TAGLN3: variants seen among roughly 807,000 people sequenced by gnomAD.
TAGLN3 encodes the protein transgelin 3.
TAGLN3 carries 12 observed loss-of-function variants against 25.4 expected under a neutral mutation model. The observed-to-expected ratio is 0.47, with a 90% CI of 0.30 to 0.77. TAGLN3 has a LOEUF of 0.77. Among genes scored for constraint, TAGLN3 ranks in the 30% least tolerant of loss-of-function variants. The pLI is 0.06. For synonymous variants in TAGLN3, 96 were observed against 94.8 expected (o/e 1.01, Z -0.08); for missense variants, 218 against 255.8 (o/e 0.85, Z 1.01).
At chr3:112,006,752 C>A (rs769449736) in intron 3 of TAGLN3, among the ~76,000 whole-genome samples, 7 of 152,150 alleles carry the variant, frequency 4.6e-5, no homozygotes, top group Non-Finnish European at 7.4e-5. Context: ...TTATCCTTTT[C>A]ATTTACTTTT....
intron 2 of TAGLN3, 131 bp downstream of exon 2, chr3:111,999,733 ATGCCTTTATT>A: frequency 1.7e-6 from 2 of 1,207,858 alleles, no homozygotes; most frequent in Non-Finnish European, 2.3e-6. Flanking sequence ...GGGGATGAGA[ATGCCTTTATT>A]TCTTCAGGGT....
intron 4 of TAGLN3, 101 bp from the exon 5 acceptor site, chr3:112,013,309 T>C (rs1196036842): frequency 6.9e-7 from 1 of 1,442,348 alleles, no homozygotes; most frequent in Non-Finnish European, 9.3e-7. Context: ...GACCTGCTGA[T>C]CTATTTGGGG....
At chr3:112,012,477 CT>C (rs1378629347) in intron 4 of TAGLN3, among the ~76,000 whole-genome samples, 2 of 151,842 alleles carry the variant, frequency 1.3e-5, no homozygotes, top group African/African-American at 4.8e-5. Context: ...AGTAAAGGGT[CT>C]TTTTTTAAAA....
intron 2 of TAGLN3, 79 bp downstream of exon 2, chr3:111,999,681 G>A: frequency 6.5e-7 from 1 of 1,527,230 alleles, no homozygotes; most frequent in Non-Finnish European, 8.8e-7. Flanking sequence ...ACGTAAGGCT[G>A]CGGGAAGAGC....
intron 3 of TAGLN3, 132 bp from the exon 4 acceptor site, chr3:112,011,631 T>G (rs1210953803): frequency 2.6e-6 from 2 of 763,678 alleles, no homozygotes; most frequent in South Asian, 2.1e-5. Context: ...AGGTGTTTGA[T>G]AGCACTGCTC....
intron 3 of TAGLN3, among the ~76,000 whole-genome samples, chr3:112,009,860 G>A (rs1015908122): frequency 2.6e-5 from 4 of 151,942 alleles, no homozygotes; most frequent in South Asian, 2.1e-4. Context: ...TGGGATGAGG[G>A]TGGAGTTGTG....
In TAGLN3 at chr3:111,998,994, T is replaced by C. The variant is rs2072820287; in HGVS notation, c.-123T>C. 1 of 153,728 alleles carries C rather than the reference T, an allele frequency of 6.5e-6. No homozygotes were observed. Among genetic ancestry groups the C allele is most frequent in the Non-Finnish European group, 1.4e-5 (1 of 69,052 alleles). 9.5% of individuals were successfully genotyped at this position (153,728 alleles called of 1,614,324 possible). A position where few individuals can be genotyped will look rare whatever the true frequency, so the allele number is the denominator to read the frequency against. On this transcript the variant is annotated 5_prime_UTR_variant, in exon 1 of 5. Transcript: ENST00000478951. ...TCAACATGAAAGGAGGCTTCCTCCC[T>C]GCCTGCTAATTACCTGCTCTTCCCG...
chr3:112,001,620 C>T (rs2072862413), intron 3 of TAGLN3, among the ~76,000 whole-genome samples: 1 of 152,190 alleles, frequency 6.6e-6, no homozygotes, highest in African/African-American at 2.4e-5. Flanking sequence ...TCGTTAATGT[C>T]CCCTTTAGCG....
rs1038551972 is a variant in TAGLN3, at chr3:112,013,358, G to T, written c.459-52G>T. 14 of 1,573,786 alleles carry T rather than the reference G, an allele frequency of 8.9e-6. No individual in the cohort carries two copies. In the Admixed American group the frequency reaches 2.3e-4, roughly 26 times the overall value. On this transcript the variant is annotated intron_variant, in intron 4 of 4. Transcript: ENST00000478951. ...CCTGTCTAATTGCATATCTTGAAAA[G>T]GATTGGAAAACTGTCATAATGACAT...
Position 111,999,668 on chromosome 3 carries a change from T to C in TAGLN3, c.180+66T>C, listed in dbSNP as rs2107718389. The C allele has an allele frequency of 3.8e-6, 6 of 1,568,228 alleles. No individual in the cohort carries two copies. In the South Asian group the frequency reaches 4.6e-5, roughly 12 times the overall value. Reference sequence around the variant, plus strand: ...GGGAAACCCTCCAGGGCCCTTTCTTTTAACGTAAGGCTGCGGGAAGAGCTG... The same window carrying C: ...GGGAAACCCTCCAGGGCCCTTTCTTCTAACGTAAGGCTGCGGGAAGAGCTG... On this transcript the variant is annotated intron_variant, in intron 2 of 4. Transcript: ENST00000478951.
In TAGLN3 at chr3:112,013,790, C is replaced by G; in HGVS notation, c.*239C>G. On this transcript the variant is annotated 3_prime_UTR_variant, in exon 5 of 5. Transcript: ENST00000478951. ...TCCTGAGCTCCTCGGGCCCCAGAGT[C>G]TCTGTTTGATTATTTATTTATTTAT... 2 of 565,732 alleles carry G rather than the reference C, an allele frequency of 3.5e-6. No homozygotes were observed. The highest frequency in any genetic ancestry group is 3.1e-5 in the East Asian group (1 of 31,830). The allele number at this position is 565,732 out of a possible 1,614,324, so 35.0% of individuals were successfully genotyped here. A position where few individuals can be genotyped will look rare whatever the true frequency, so the allele number is the denominator to read the frequency against.
intron 3 of TAGLN3, among the ~76,000 whole-genome samples, chr3:112,005,176 C>T (rs568343059): frequency 4.5e-4 from 68 of 152,128 alleles, no homozygotes; most frequent in African/African-American, 1.5e-3. Context: ...GTTCCCTTCT[C>T]GGTAAACAGT....
intron 2 of TAGLN3, 83 bp downstream of exon 2, chr3:111,999,685 G>A: frequency 1.3e-6 from 2 of 1,521,004 alleles, no homozygotes; most frequent in Non-Finnish European, 1.8e-6. Context: ...AAGGCTGCGG[G>A]AAGAGCTGCT....
intron 3 of TAGLN3, among the ~76,000 whole-genome samples, chr3:112,008,057 T>C (rs1292797738): frequency 2.0e-5 from 3 of 152,146 alleles, no homozygotes; most frequent in African/African-American, 7.2e-5. Flanking sequence ...AAGATATGAA[T>C]CACCCAGGAA....
chr3:112,013,624 G>C lies in TAGLN3; in HGVS notation c.*73G>C, dbSNP rs2073002794. The C allele has an allele frequency of 6.2e-7, 1 of 1,601,066 alleles. No individual in the cohort carries two copies. The highest frequency in any genetic ancestry group is 8.5e-7 in the Non-Finnish European group (1 of 1,171,810). ...GGTCTCTACGAAAAAGAAATAGTTA[G>C]TCACCTTCTGACCTTCTCCTCTTTC... On this transcript the variant is annotated 3_prime_UTR_variant, in exon 5 of 5. Transcript: ENST00000478951.
chr3:112,001,570 G>T (rs2072861627), intron 3 of TAGLN3, among the ~76,000 whole-genome samples: 1 of 152,204 alleles, frequency 6.6e-6, no homozygotes, highest in Non-Finnish European at 1.5e-5. Flanking sequence ...TGATGTGAAT[G>T]GAGACACTGC....
At chr3:112,012,417 C>T (rs2072989297) in intron 4 of TAGLN3, among the ~76,000 whole-genome samples, 1 of 151,934 alleles carries the variant, frequency 6.6e-6, no homozygotes, top group Non-Finnish European at 1.5e-5. Flanking sequence ...AACTCTCTTT[C>T]ACTCTCAACA....
intron 3 of TAGLN3, among the ~76,000 whole-genome samples, chr3:112,009,976 A>G (rs889319369): frequency 6.6e-6 from 1 of 151,834 alleles, no homozygotes; most frequent in African/African-American, 2.4e-5. Context: ...TATATATAAC[A>G]CTTACATATA....
intron 4 of TAGLN3, among the ~76,000 whole-genome samples, chr3:112,013,194 C>G (rs978577209): frequency 6.6e-6 from 1 of 152,098 alleles, no homozygotes; most frequent in Non-Finnish European, 1.5e-5. Context: ...CAGGCTAGGG[C>G]CAGAGATAGC....
Sources: gnomAD v4.1 joint callset for allele counts (sites outside exome capture counted in the v4.1 genomes callset) on GRCh38, gnomAD v4.1.1 for gene constraint, MANE v1.5 for transcripts, NCBI Gene and HGNC (gene_info 2026-07-23, HGNC 2026-07-21) for gene names.